The following ITGA11 variants were observed in gnomAD, a reference collection of about 807,000 sequenced individuals.
ITGA11 encodes integrin alpha-11.
ITGA11 carries 97 observed loss-of-function variants against 141.9 expected under a neutral mutation model. That is an observed-to-expected ratio of 0.68 (90% CI 0.58 to 0.81). The LOEUF (loss-of-function observed/expected upper bound fraction) is 0.81, where lower values mean the gene tolerates loss of function less well. Among genes scored for constraint, ITGA11 ranks in the 30% least tolerant of loss-of-function variants. ITGA11 has a pLI of 0.00. For missense variants in ITGA11, 1,387 were observed against 1,559.2 expected, an observed-to-expected ratio of 0.89 and a Z score of 1.86; for synonymous variants, 658 against 624.6, an observed-to-expected ratio of 1.05 and a Z score of -0.80.
intron 2 of ITGA11, among the ~76,000 whole-genome samples, chr15:68,379,119 C>T (rs949710623): frequency 2.0e-5 from 3 of 152,208 alleles, no homozygotes; most frequent in African/African-American, 7.2e-5. Context: ...CCATCTCACA[C>T]CCCAGTGCCA....
In ITGA11 at chr15:68,432,040, C is replaced by T; in HGVS notation, c.27G>A (p.Val9=). The change falls in exon 1 of 30, where the codon GTG becomes GTA. Residue 9 remains valine, a synonymous_variant. Transcript: ENST00000315757. MDLPRGLV[V]AWALSLWPGF... is the part of the protein sequence containing the mutation. Reference sequence around the variant, plus strand: ...CTGGCCACAGGCTGAGCGCCCAGGCCACCACCAGGCCCCTGGGCAGGTCCA... The same window carrying T: ...CTGGCCACAGGCTGAGCGCCCAGGCTACCACCAGGCCCCTGGGCAGGTCCA... The T allele has an allele frequency of 7.4e-7, 1 of 1,345,532 alleles. No individual in the cohort carries two copies. Among genetic ancestry groups the T allele is most frequent in the South Asian group, 2.1e-5 (1 of 47,014 alleles). 83.3% of individuals were successfully genotyped at this position (1,345,532 alleles called of 1,614,324 possible). A position where few individuals can be genotyped will look rare whatever the true frequency, so the allele number is the denominator to read the frequency against.
In ITGA11 at chr15:68,303,202, C is replaced by T. The variant is rs571623078; in HGVS notation, c.3496-72G>A. The stretch of plus-strand genomic sequence containing the variant: ...AAGGCCTGCCCCAGCTTTCCCTCCA[C>T]TACCTTTCCTTGGGATTCCTCCCTC... On this transcript the variant is annotated intron_variant, in intron 29 of 29. Transcript: ENST00000315757. The surrounding 1 kb of genome is among the most constrained non-coding windows in gnomAD (Gnocchi z 5.3). 2.0e-5 allele frequency: 27 copies of T among 1,319,592 alleles called. No individual in the cohort carries two copies. The East Asian group carries it at 6.5e-4, about 32-fold the overall frequency. The allele number at this position is 1,319,592 out of a possible 1,614,324, so 81.7% of individuals were successfully genotyped here.
intron 7 of ITGA11, among the ~76,000 whole-genome samples, chr15:68,352,799 G>A (rs1312628678): frequency 6.6e-6 from 1 of 151,378 alleles, no homozygotes; most frequent in Admixed American, 6.6e-5. Context: ...AGCAGGGCTG[G>A]CACCTCGACC....
chr15:68,373,118 A>G (rs1895638356), intron 2 of ITGA11, among the ~76,000 whole-genome samples: 2 of 152,150 alleles, frequency 1.3e-5, no homozygotes, highest in Admixed American at 1.3e-4. Context: ...CCTGGAGATC[A>G]TCCCTTTAAA....
chr15:68,320,443 G>A lies in ITGA11; in HGVS notation c.2409-51C>T, dbSNP rs1893765561. On this transcript the variant is annotated intron_variant, in intron 19 of 29. Coordinates refer to ENST00000315757, the MANE Select transcript of ITGA11 (RefSeq NM_001004439.2). ...TGGGCAGATGGAATGAGGAAAGCAG[G>A]GGTAGAGAGGAGCCCCAGGGTTGGG... 6 of 1,493,932 alleles carry A rather than the reference G, an allele frequency of 4.0e-6. No homozygotes were observed. The Admixed American group carries it at 7.9e-5, about 20-fold the overall frequency. The allele number at this position is 1,493,932 out of a possible 1,614,324, so 92.5% of individuals were successfully genotyped here. A position where few individuals can be genotyped will look rare whatever the true frequency, so the allele number is the denominator to read the frequency against.
intron 7 of ITGA11, among the ~76,000 whole-genome samples, chr15:68,354,444 G>A (rs1355484799): frequency 6.6e-6 from 1 of 152,010 alleles, no homozygotes; most frequent in Admixed American, 6.5e-5. Context: ...AATCTGCAGT[G>A]GCCACCCATG....
chr15:68,325,365 C>T lies in ITGA11; in HGVS notation c.2212-124G>A, dbSNP rs986805694. On this transcript the variant is annotated intron_variant, in intron 17 of 29. Transcript: ENST00000315757. The surrounding 1 kb of genome is among the most constrained non-coding windows in gnomAD (Gnocchi z 5.5). ...TGGCAGGGCAGCTGCCCTGTGCCCTCAGGGTGAGTCTGCAGGTGGATGGAG... is the reference window on the plus strand; with the variant it reads ...TGGCAGGGCAGCTGCCCTGTGCCCTTAGGGTGAGTCTGCAGGTGGATGGAG... The T allele has an allele frequency of 2.9e-6, 2 of 682,204 alleles. No homozygotes were observed. The highest frequency in any genetic ancestry group is 3.5e-5 in the African/African-American group (2 of 56,736). 42.3% of individuals were successfully genotyped at this position (682,204 alleles called of 1,614,324 possible). A position where few individuals can be genotyped will look rare whatever the true frequency, so the allele number is the denominator to read the frequency against.
intron 2 of ITGA11, among the ~76,000 whole-genome samples, chr15:68,377,077 C>T (rs559982340): frequency 2.0e-5 from 3 of 152,284 alleles, no homozygotes; most frequent in East Asian, 1.9e-4. Flanking sequence ...CCATCTAGCG[C>T]ACCCAGATTG....
In ITGA11 at chr15:68,323,920, C is replaced by T. The variant is rs527468107; in HGVS notation, c.2322+1211G>A. On this transcript the variant is annotated intron_variant, in intron 18 of 29. Coordinates refer to ENST00000315757, the MANE Select transcript of ITGA11 (RefSeq NM_001004439.2). ...GCTCATTACCACCTTGCACGGAGAT[C>T]GTCGGTGTCAGAGCAGGGATTACCC... Among the ~76,000 whole-genome samples, 4 of 152,262 alleles carry T rather than the reference C, an allele frequency of 2.6e-5. No individual in the cohort carries two copies. In the South Asian group the frequency reaches 6.2e-4, roughly 24 times the overall value.
rs775140573 is a variant in ITGA11 at position 68,350,671 on chromosome 15, C to T, written c.1006G>A (p.Ala336Thr). The part of the protein sequence containing the change: ...DKHFFNVTDE[A>T]ALKDIVDALG... The stretch of plus-strand genomic sequence containing the variant: ...GCATCGACAATGTCCTTCAAGGCAG[C>T]CTCATCAGTGACATTGAAGAAGTGC... The change falls in exon 9 of 30, where the codon GCT becomes ACT. Residue 336 changes from alanine to threonine, a missense_variant. Ala to Thr is a moderately conservative substitution (Grantham distance 58). Coordinates refer to ENST00000315757, the MANE Select transcript of ITGA11 (RefSeq NM_001004439.2). 7.4e-6 allele frequency: 12 copies of T among 1,613,828 alleles called. No homozygotes were observed. The Admixed American group carries it at 1.5e-4, about 20-fold the overall frequency.
At chr15:68,357,816 G>A (rs1291930121) in intron 6 of ITGA11, among the ~76,000 whole-genome samples, 2 of 152,102 alleles carry the variant, frequency 1.3e-5, no homozygotes, top group Non-Finnish European at 2.9e-5. Context: ...GAGCCCACAG[G>A]GTTTATTTGG....
chr15:68,415,554 C>G (rs574830425), intron 1 of ITGA11, among the ~76,000 whole-genome samples: 8 of 152,312 alleles, frequency 5.3e-5, no homozygotes, highest in Admixed American at 5.2e-4. Context: ...CAGCACGTCC[C>G]CAGTCCACAC....
In ITGA11 at chr15:68,297,044, A is replaced by T. The variant is rs1245713757; in HGVS notation, c.*6015T>A. On this transcript the variant is annotated 3_prime_UTR_variant, in exon 30 of 30. Transcript: ENST00000315757. ...CGCCTTGATCTTCCGGGCTCAAGTG[A>T]TCCTCTCACCTCAGCCTCCCAAGTA... The T allele has an allele frequency of 6.6e-6, 1 of 152,118 alleles. No individual in the cohort carries two copies. The highest frequency in any genetic ancestry group is 2.4e-5 in the African/African-American group (1 of 41,396). The allele number at this position is 152,118 out of a possible 1,614,324, so 9.4% of individuals were successfully genotyped here. A position where few individuals can be genotyped will look rare whatever the true frequency, so the allele number is the denominator to read the frequency against.
chr15:68,421,531 G>C (rs1213502021), intron 1 of ITGA11, among the ~76,000 whole-genome samples: 1 of 152,156 alleles, frequency 6.6e-6, no homozygotes. Flanking sequence ...AGGTACAAGG[G>C]CGGATGCAAG....
At position 68,333,086 on chromosome 15, in the gene ITGA11, A is replaced by G. The variant is rs1894228556; in HGVS notation, c.1426-608T>C. Among the ~76,000 whole-genome samples, 1 of 147,804 alleles carries G rather than the reference A, an allele frequency of 6.8e-6. No homozygotes were observed. The highest frequency in any genetic ancestry group is 2.5e-5 in the African/African-American group (1 of 39,734). On this transcript the variant is annotated intron_variant, in intron 12 of 29. Transcript: ENST00000315757. This position sits in a 1 kb window ranked among gnomAD's most constrained non-coding sequence, Gnocchi z 4.2. ...TGCATGTATCATAATGTGTTTAATC[A>G]GTTATTGCTGGACGGTTAGCTTTTT...
intron 1 of ITGA11, among the ~76,000 whole-genome samples, chr15:68,420,342 G>T (rs574504713): frequency 4.3e-4 from 66 of 152,308 alleles, no homozygotes; most frequent in Non-Finnish European, 2.1e-4. Context: ...CAGAGTCATA[G>T]TAAATAGTGA....
intron 11 of ITGA11, 73 bp downstream of exon 11, chr15:68,339,427 C>A (rs1042490923): frequency 3.0e-4 from 455 of 1,514,438 alleles, no homozygotes; most frequent in Non-Finnish European, 3.9e-4. Context: ...CGTGTGTGGG[C>A]TGGGGGTTGT....
At chr15:68,339,942 C>T (rs1163018898) in intron 10 of ITGA11, among the ~76,000 whole-genome samples, 1 of 152,168 alleles carries the variant, frequency 6.6e-6, no homozygotes, top group Non-Finnish European at 1.5e-5. Context: ...AAACCTCCAT[C>T]CCTCCTTGGG....
chr15:68,324,996 A>G lies in ITGA11; in HGVS notation c.2322+135T>C. 1.5e-6 allele frequency: 1 copy of G among 689,360 alleles called. No homozygotes were observed. Among genetic ancestry groups the G allele is most frequent in the Non-Finnish European group, 2.6e-6 (1 of 383,752 alleles). 42.7% of individuals were successfully genotyped at this position (689,360 alleles called of 1,614,324 possible). ...GAAGGAGCCACACTGTGGGTTTGCC[A>G]GGACAGGAGGTGGGAAGGTGAGATG... On this transcript the variant is annotated intron_variant, in intron 18 of 29. Coordinates refer to ENST00000315757, the MANE Select transcript of ITGA11 (RefSeq NM_001004439.2). This position sits in a 1 kb window ranked among gnomAD's most constrained non-coding sequence, Gnocchi z 6.3.
Sources: gnomAD v4.1 joint callset for allele counts (sites outside exome capture counted in the v4.1 genomes callset) on GRCh38, gnomAD v4.1.1 for gene constraint, Gnocchi (gnomAD v3.1) non-coding constraint, MANE v1.5 for transcripts, NCBI Gene and HGNC (gene_info 2026-07-23, HGNC 2026-07-21) for gene names.